Variants in COLEC12 observed in about 807,000 individuals in gnomAD.
COLEC12 encodes collectin subfamily member 12, also known as collectin-12.
In COLEC12, 33 loss-of-function variants were observed where a neutral mutation model predicts 71.1. The observed-to-expected ratio is 0.46, with a 90% CI of 0.35 to 0.62. The LOEUF is 0.62. Ranked by LOEUF, COLEC12 falls within the 20% of genes least tolerant of loss-of-function variation. The pLI, the probability that COLEC12 is intolerant of heterozygous loss-of-function variation, is 0.00. For synonymous variants in COLEC12, 350 were observed against 353.0 expected, an observed-to-expected ratio of 0.99 and a Z score of 0.10; for missense variants, 765 against 916.1, an observed-to-expected ratio of 0.84 and a Z score of 2.13.
intron 2 of COLEC12, among the ~76,000 whole-genome samples, chr18:444,640 G>A (rs1916610499): frequency 6.6e-6 from 1 of 152,196 alleles, no homozygotes; most frequent in Admixed American, 6.5e-5. Context: ...AGGTGGGGGT[G>A]AGGTAGGGAG....
intron 2 of COLEC12, among the ~76,000 whole-genome samples, chr18:389,993 G>T (rs1915428260): frequency 6.6e-6 from 1 of 152,120 alleles, no homozygotes; most frequent in South Asian, 2.1e-4. Flanking sequence ...TCTAATTTTT[G>T]TTCTAATCTA....
intron 2 of COLEC12, among the ~76,000 whole-genome samples, chr18:395,212 T>C (rs1288053832): frequency 2.0e-5 from 3 of 152,366 alleles, no homozygotes; most frequent in East Asian, 1.9e-4. Context: ...GTGTTATGTA[T>C]GTTGCTTGGC....
intron 1 of COLEC12, among the ~76,000 whole-genome samples, chr18:486,356 T>C (rs1190115419): frequency 1.3e-5 from 2 of 152,166 alleles, no homozygotes; most frequent in African/African-American, 4.8e-5. Flanking sequence ...GCCTAATTTC[T>C]GTATGTTTAG....
chr18:367,631 A>G (rs1446504789), intron 2 of COLEC12, among the ~76,000 whole-genome samples: 1 of 152,220 alleles, frequency 6.6e-6, no homozygotes, highest in Non-Finnish European at 1.5e-5. Flanking sequence ...ATGAGAAATG[A>G]GTCAATCGAC....
intron 2 of COLEC12, among the ~76,000 whole-genome samples, chr18:459,384 T>A (rs988274507): frequency 6.6e-6 from 1 of 152,188 alleles, no homozygotes; most frequent in East Asian, 1.9e-4. Flanking sequence ...GCACTGCCCA[T>A]CAGAAAAGTC....
intron 5 of COLEC12, among the ~76,000 whole-genome samples, chr18:337,793 T>C (rs1367500875): frequency 6.6e-6 from 1 of 152,176 alleles, no homozygotes; most frequent in African/African-American, 2.4e-5. Context: ...CTGAACTTCT[T>C]GTCTCTTTGC....
At chr18:495,191 A>G (rs1051835524) in intron 1 of COLEC12, among the ~76,000 whole-genome samples, 1 of 152,228 alleles carries the variant, frequency 6.6e-6, no homozygotes, top group Non-Finnish European at 1.5e-5. Context: ...TGAAAAAGAA[A>G]TCAAATCACT....
intron 2 of COLEC12, among the ~76,000 whole-genome samples, chr18:446,401 A>C (rs916922507): frequency 6.6e-6 from 1 of 152,052 alleles, no homozygotes; most frequent in African/African-American, 2.4e-5. Context: ...TTAACTTTTT[A>C]CTATAAAAAT....
chr18:363,584 G>A (rs1914793896), intron 2 of COLEC12, among the ~76,000 whole-genome samples: 1 of 152,092 alleles, frequency 6.6e-6, no homozygotes. Flanking sequence ...AAACCCATAA[G>A]AATGATTTGG....
At chr18:391,501 T>G (rs60698095) in intron 2 of COLEC12, among the ~76,000 whole-genome samples, 1,568 of 152,110 alleles carry the variant, frequency 0.01, 25 homozygotes, top group African/African-American at 0.034. Context: ...AAATTGGGGG[T>G]TTTTGTTGTT....
chr18:335,055 A>T lies in COLEC12; in HGVS notation c.1503T>A (p.Ser501=). ...AGCCTTTGGGGCCCTGGGAGCCTTT[A>T]GATCCTTTGCCGCCACGCTCTCCGG... ...GPPGERGGKG[S]KGSQGPKGSR... Residue 501 remains serine, a synonymous_variant, in exon 6 of 10, where the codon TCT becomes TCA. Transcript: ENST00000400256. 1 of 1,607,876 alleles carries T rather than the reference A, an allele frequency of 6.2e-7. No individual in the cohort carries two copies.
intron 2 of COLEC12, among the ~76,000 whole-genome samples, chr18:369,553 C>T (rs1489461422): frequency 2.0e-5 from 3 of 151,834 alleles, no homozygotes; most frequent in African/African-American, 4.8e-5. Flanking sequence ...CACCCACTAA[C>T]GTGTCATCTA....
intron 1 of COLEC12, among the ~76,000 whole-genome samples, chr18:485,528 C>T (rs1408904265): frequency 6.6e-6 from 1 of 152,222 alleles, no homozygotes; most frequent in Non-Finnish European, 1.5e-5. Context: ...TTTAATCCTA[C>T]AGGCTATGTT....
intron 2 of COLEC12, among the ~76,000 whole-genome samples, chr18:379,635 T>C (rs1244176226): frequency 2.0e-5 from 3 of 152,140 alleles, no homozygotes; most frequent in African/African-American, 7.2e-5. Context: ...ACTGTTTCTA[T>C]TGTTCCACTA....
chr18:487,822 G>GTAAA (rs1917548206), intron 1 of COLEC12, among the ~76,000 whole-genome samples: 1 of 152,100 alleles, frequency 6.6e-6, no homozygotes, highest in Non-Finnish European at 1.5e-5. Context: ...GCCCAACCAG[G>GTAAA]TAAACTTAGA....
At chr18:487,620 G>A (rs936050657) in intron 1 of COLEC12, among the ~76,000 whole-genome samples, 6 of 152,134 alleles carry the variant, frequency 3.9e-5, no homozygotes, top group African/African-American at 1.4e-4. Context: ...CAGGAAATGA[G>A]AGGAACTGTA....
chr18:434,956 C>T (rs4798198), intron 2 of COLEC12, among the ~76,000 whole-genome samples: 27,845 of 152,188 alleles, frequency 0.18, 2,837 homozygotes, highest in Middle Eastern at 0.24. Flanking sequence ...ATGCTCACAA[C>T]ATTTGCTCAG....
intron 8 of COLEC12, among the ~76,000 whole-genome samples, chr18:329,237 C>A (rs138905157): frequency 8.8e-4 from 134 of 152,274 alleles, no homozygotes; most frequent in African/African-American, 3.1e-3. Context: ...AATGTTCCAG[C>A]TCAATCCATT....
intron 2 of COLEC12, among the ~76,000 whole-genome samples, chr18:478,350 C>G (rs778160474): frequency 2.0e-4 from 30 of 152,176 alleles, no homozygotes; most frequent in Non-Finnish European, 2.8e-4. Flanking sequence ...CAGTGGCTCA[C>G]GCCTGTAATC....
Sources: allele counts gnomAD v4.1 joint callset (sites outside exome capture counted in the v4.1 genomes callset), GRCh38; gene constraint gnomAD v4.1.1; transcripts MANE v1.5; gene names NCBI Gene and HGNC (gene_info 2026-07-23, HGNC 2026-07-21).